CCSER1: variants seen among roughly 807,000 people sequenced by gnomAD.
The protein encoded by CCSER1 is coiled-coil serine rich protein 1.
CCSER1 carries 41 observed loss-of-function variants against 82.0 expected under a neutral mutation model. That is an observed-to-expected ratio of 0.50 (90% CI 0.39 to 0.65). The LOEUF (loss-of-function observed/expected upper bound fraction) is 0.65, where lower values mean the gene tolerates loss of function less well. Among genes scored for constraint, CCSER1 ranks in the 30% least tolerant of loss-of-function variants. The pLI is 0.00. For missense variants in CCSER1, 1,119 were observed against 1,064.2 expected (o/e 1.05, Z -0.72); for synonymous variants, 414 against 383.9 (o/e 1.08, Z -0.92).
intron 10 of CCSER1, among the ~76,000 whole-genome samples, chr4:91,511,885 C>T (rs760363104): frequency 2.8e-4 from 43 of 152,054 alleles, no homozygotes; most frequent in African/African-American, 8.5e-4. Flanking sequence ...AAATGTAATG[C>T]GCTTGAATCA....
Position 91,072,033 on chromosome 4 carries a change from A to G in CCSER1, c.2173-13917A>G, listed in dbSNP as rs199605204. Among the ~76,000 whole-genome samples, 5 of 152,276 alleles carry G rather than the reference A, an allele frequency of 3.3e-5. No individual in the cohort carries two copies. The East Asian group carries it at 9.6e-4, about 29-fold the overall frequency. On this transcript the variant is annotated intron_variant, in intron 9 of 10. Transcript: ENST00000509176. ...AAAACACCATCACAAACAACCACTC[A>G]GGTATGAGCATCAGACATGCTATAA...
intron 5 of CCSER1, among the ~76,000 whole-genome samples, chr4:90,569,415 C>T (rs529671885): frequency 2.6e-5 from 4 of 152,182 alleles, no homozygotes; most frequent in South Asian, 4.1e-4. Context: ...TTGATAGAGA[C>T]GTGATACAGA....
intron 10 of CCSER1, among the ~76,000 whole-genome samples, chr4:91,497,614 G>A (rs975586029): frequency 6.6e-6 from 1 of 151,748 alleles, no homozygotes; most frequent in Non-Finnish European, 1.5e-5. Context: ...AGGAGTTACC[G>A]TGTTCAGTAA....
At chr4:90,648,283 AG>A (rs369725018) in intron 6 of CCSER1, among the ~76,000 whole-genome samples, 3 of 76,356 alleles carry the variant, frequency 3.9e-5, no homozygotes, top group Non-Finnish European at 8.8e-5. Context: ...AGAGAAAGAA[AG>A]GAAAGAAAGA....
chr4:90,811,121 G>A (rs1397342274), intron 7 of CCSER1, among the ~76,000 whole-genome samples: 1 of 152,148 alleles, frequency 6.6e-6, no homozygotes, highest in Non-Finnish European at 1.5e-5. Flanking sequence ...TTACAGGCAT[G>A]AGCCACCGCA....
intron 6 of CCSER1, among the ~76,000 whole-genome samples, chr4:90,700,740 TGA>T (rs1374347763): frequency 6.6e-6 from 1 of 152,268 alleles, no homozygotes; most frequent in Non-Finnish European, 1.5e-5. Context: ...TGATGACCAG[TGA>T]TGATGAGCAT....
intron 3 of CCSER1, among the ~76,000 whole-genome samples, chr4:90,338,922 G>C (rs1740889524): frequency 6.6e-6 from 1 of 152,114 alleles, no homozygotes; most frequent in Non-Finnish European, 1.5e-5. Flanking sequence ...ATTTGTAGAC[G>C]ATACATTCTT....
intron 10 of CCSER1, among the ~76,000 whole-genome samples, chr4:91,194,745 G>A (rs1300828579): frequency 6.6e-6 from 1 of 152,152 alleles, no homozygotes; most frequent in Non-Finnish European, 1.5e-5. Flanking sequence ...CAGTTTCATG[G>A]TGAAAAGTAA....
At chr4:91,295,871 T>G (rs1452491363) in intron 10 of CCSER1, among the ~76,000 whole-genome samples, 1 of 151,938 alleles carries the variant, frequency 6.6e-6, no homozygotes, top group African/African-American at 2.4e-5. Flanking sequence ...AAAAGCCATT[T>G]GAGTATATTT....
intron 5 of CCSER1, among the ~76,000 whole-genome samples, chr4:90,499,979 A>T (rs1769611018): frequency 6.6e-6 from 1 of 152,182 alleles, no homozygotes; most frequent in Non-Finnish European, 1.5e-5. Flanking sequence ...AATTTTATAC[A>T]CTACATAAAA....
At chr4:90,433,276 G>C (rs1248234256) in intron 4 of CCSER1, among the ~76,000 whole-genome samples, 2 of 151,964 alleles carry the variant, frequency 1.3e-5, no homozygotes, top group African/African-American at 4.8e-5. Context: ...AAGTGTTCGG[G>C]CCACCCTTGA....
At chr4:90,407,990 CCG>C (rs1488751745) in intron 4 of CCSER1, among the ~76,000 whole-genome samples, 40 of 152,304 alleles carry the variant, frequency 2.6e-4, no homozygotes, top group African/African-American at 7.2e-4. Context: ...AGATTATATC[CCG>C]CGCATGGCTC....
chr4:91,582,815 C>T (rs1055888508), intron 10 of CCSER1, among the ~76,000 whole-genome samples: 9 of 151,424 alleles, frequency 5.9e-5, no homozygotes, highest in African/African-American at 1.7e-4. Flanking sequence ...GTCTTAGGAA[C>T]ATATGACATG....
At chr4:91,053,775 G>C (rs747551307) in intron 9 of CCSER1, among the ~76,000 whole-genome samples, 1 of 152,112 alleles carries the variant, frequency 6.6e-6, no homozygotes, top group Non-Finnish European at 1.5e-5. Flanking sequence ...GCATTACTGT[G>C]CATCTTTGTT....
intron 9 of CCSER1, among the ~76,000 whole-genome samples, chr4:90,995,917 T>C (rs1318004105): frequency 6.6e-6 from 1 of 152,114 alleles, no homozygotes; most frequent in Non-Finnish European, 1.5e-5. Flanking sequence ...TATACAGATA[T>C]GCAACTATAT....
chr4:90,988,291 C>T (rs1282428521), intron 9 of CCSER1, among the ~76,000 whole-genome samples: 3 of 122,240 alleles, frequency 2.5e-5, no homozygotes, highest in Admixed American at 1.0e-4. Flanking sequence ...ACCATGATTG[C>T]AGCACTACAC....
intron 5 of CCSER1, among the ~76,000 whole-genome samples, chr4:90,476,342 T>A (rs1354417530): frequency 6.6e-6 from 1 of 152,028 alleles, no homozygotes; most frequent in Non-Finnish European, 1.5e-5. Context: ...GGTCCTACCC[T>A]CTGGAGGACC....
At chr4:90,347,608 C>G (rs760140543) in intron 3 of CCSER1, among the ~76,000 whole-genome samples, 1 of 151,984 alleles carries the variant, frequency 6.6e-6, no homozygotes, top group African/African-American at 2.4e-5. Context: ...TGAATATGTC[C>G]CCTACATTTT....
intron 6 of CCSER1, among the ~76,000 whole-genome samples, chr4:90,672,796 C>T (rs936818653): frequency 3.9e-5 from 6 of 151,982 alleles, no homozygotes; most frequent in East Asian, 1.9e-4. Context: ...GATTAATTGG[C>T]ATAATTTAAA....
Sources: allele counts gnomAD v4.1 joint callset (sites outside exome capture counted in the v4.1 genomes callset), GRCh38; gene constraint gnomAD v4.1.1; transcripts MANE v1.5; gene names NCBI Gene and HGNC (gene_info 2026-07-23, HGNC 2026-07-21).